GMDS: variants seen among roughly 807,000 people sequenced by gnomAD.
GMDS encodes GDP-mannose 4,6-dehydratase.
Under a neutral mutation model 49.9 loss-of-function variants are expected in GMDS, and 20 were observed. The ratio of observed to expected loss-of-function variants is 0.40; its 90% CI spans 0.28 to 0.58. The LOEUF (loss-of-function observed/expected upper bound fraction) is 0.58, where lower values mean the gene tolerates loss of function less well. Among genes scored for constraint, GMDS ranks in the 20% least tolerant of loss-of-function variants. The probability of loss-of-function intolerance (pLI) is 0.42; values close to 1 mark genes in which losing one functional copy is unlikely to be tolerated. For synonymous variants in GMDS, 177 were observed against 178.6 expected (o/e 0.99, Z 0.07); for missense variants, 362 against 481.4 (o/e 0.75, Z 2.32).
At chr6:1,883,241 AT>A (rs1759445219) in intron 7 of GMDS, among the ~76,000 whole-genome samples, 1 of 152,092 alleles carries the variant, frequency 6.6e-6, no homozygotes, top group Admixed American at 6.5e-5. Context: ...AAATACAAAA[AT>A]TAGCTGGGTG....
At chr6:2,041,520 T>C (rs984206186) in intron 4 of GMDS, among the ~76,000 whole-genome samples, 7 of 152,144 alleles carry the variant, frequency 4.6e-5, no homozygotes, top group Non-Finnish European at 7.3e-5. Context: ...AAACAAACCA[T>C]TGAACTGTTT....
At chr6:2,234,968 A>G (rs1219894923) in intron 1 of GMDS, among the ~76,000 whole-genome samples, 1 of 152,156 alleles carries the variant, frequency 6.6e-6, no homozygotes, top group African/African-American at 2.4e-5. Flanking sequence ...TCTACTAAAA[A>G]TAGAAAATTA....
intron 4 of GMDS, among the ~76,000 whole-genome samples, chr6:2,107,168 T>C (rs1774290761): frequency 6.6e-6 from 1 of 152,212 alleles, no homozygotes; most frequent in Non-Finnish European, 1.5e-5. Context: ...TTATTAGCTG[T>C]TATCAAAATT....
intron 7 of GMDS, among the ~76,000 whole-genome samples, chr6:1,873,618 G>A (rs1758883711): frequency 6.6e-6 from 1 of 152,160 alleles, no homozygotes; most frequent in African/African-American, 2.4e-5. Context: ...CTGAAGGACT[G>A]AAAAAGACAG....
rs570102538 is a variant in GMDS at position 1,636,733 on chromosome 6, G to A, written c.988-12193C>T. Among the ~76,000 whole-genome samples the A allele has an allele frequency of 5.9e-5, 9 of 152,328 alleles. No homozygotes were observed. In the South Asian group the frequency reaches 8.3e-4, roughly 14 times the overall value. ...ACACAGGCAGCCCTTACCACGCTAC[G>A]GTTATGTCCTTGCAAGTTTGATTCT... On this transcript the variant is annotated intron_variant, in intron 9 of 10. Coordinates refer to ENST00000380815, the MANE Select transcript of GMDS (RefSeq NM_001500.4).
At chr6:1,722,084 T>C (rs1581506822) in intron 9 of GMDS, among the ~76,000 whole-genome samples, 1 of 91,376 alleles carries the variant, frequency 1.1e-5, no homozygotes, top group Admixed American at 1.2e-4. Flanking sequence ...TTTTTTTTTT[T>C]GAGATGGAAT....
At chr6:1,891,171 C>T (rs1382483314) in intron 7 of GMDS, among the ~76,000 whole-genome samples, 3 of 152,230 alleles carry the variant, frequency 2.0e-5, no homozygotes, top group Non-Finnish European at 4.4e-5. Flanking sequence ...ATTAGTCAAA[C>T]CACGTGGTTT....
At chr6:1,628,089 A>C (rs1037456665) in intron 9 of GMDS, among the ~76,000 whole-genome samples, 1 of 152,252 alleles carries the variant, frequency 6.6e-6, no homozygotes, top group Non-Finnish European at 1.5e-5. Context: ...ATACATTTAC[A>C]GAGCTGCAAA....
chr6:1,696,320 C>T (rs1027332920), intron 9 of GMDS, among the ~76,000 whole-genome samples: 2 of 152,244 alleles, frequency 1.3e-5, no homozygotes, highest in Non-Finnish European at 2.9e-5. Flanking sequence ...TGGCTAGGGC[C>T]TACGCCGTGA....
chr6:1,765,386 A>G (rs2113563157), intron 7 of GMDS, among the ~76,000 whole-genome samples: 1 of 152,330 alleles, frequency 6.6e-6, no homozygotes, highest in East Asian at 1.9e-4. Context: ...AACACAACCC[A>G]TTAACAAGCA....
chr6:1,786,774 C>T (rs756877531), intron 7 of GMDS, among the ~76,000 whole-genome samples: 2 of 150,364 alleles, frequency 1.3e-5, no homozygotes, highest in Non-Finnish European at 3.0e-5. Context: ...TTATTAAAAT[C>T]AAGGAAATCT....
At chr6:1,997,800 C>G (rs900420718) in intron 4 of GMDS, among the ~76,000 whole-genome samples, 4 of 152,092 alleles carry the variant, frequency 2.6e-5, no homozygotes, top group Non-Finnish European at 4.4e-5. Flanking sequence ...TGCCAACTAC[C>G]CACATTGATC....
rs568843142 is a variant in GMDS, at chr6:1,703,128, T to C, written c.987+23288A>G. Among the ~76,000 whole-genome samples, 80 of 152,242 alleles carry C rather than the reference T, an allele frequency of 5.3e-4. 1 individual carries two copies. Among genetic ancestry groups the C allele is most frequent in the African/African-American group, 1.9e-3 (77 of 41,540 alleles). On this transcript the variant is annotated intron_variant, in intron 9 of 10. Coordinates refer to ENST00000380815, the MANE Select transcript of GMDS (RefSeq NM_001500.4). ...AGCACATGCAGTGGGTTCCTTGGTG[T>C]CGGCAACTCCTGTGTGAAACAGAGG...
At chr6:2,026,608 A>C (rs1768615681) in intron 4 of GMDS, among the ~76,000 whole-genome samples, 1 of 152,218 alleles carries the variant, frequency 6.6e-6, no homozygotes, top group South Asian at 2.1e-4. Flanking sequence ...ATGTTATCAG[A>C]AAAATTGTTT....
intron 9 of GMDS, among the ~76,000 whole-genome samples, chr6:1,724,184 G>C (rs1766490753): frequency 6.6e-6 from 1 of 152,182 alleles, no homozygotes; most frequent in South Asian, 2.1e-4. Flanking sequence ...TTCAAAATTG[G>C]ACAGTAAAGG....
intron 1 of GMDS, among the ~76,000 whole-genome samples, chr6:2,205,259 T>C (rs9501816): frequency 0.036 from 5,509 of 152,296 alleles, 331 homozygotes; most frequent in African/African-American, 0.13. Context: ...GTATGTTCTT[T>C]GCTTTTAAAT....
chr6:2,015,612 T>A (rs1407706342), intron 4 of GMDS, among the ~76,000 whole-genome samples: 2 of 152,072 alleles, frequency 1.3e-5, no homozygotes, highest in African/African-American at 4.8e-5. Flanking sequence ...AATATAAACC[T>A]AAAGCAAGCC....
At chr6:2,024,258 G>C (rs1768447675) in intron 4 of GMDS, among the ~76,000 whole-genome samples, 1 of 152,056 alleles carries the variant, frequency 6.6e-6, no homozygotes, top group South Asian at 2.1e-4. Context: ...ACAAGACAGA[G>C]AGTTTATAAC....
At chr6:1,897,455 C>T (rs951580298) in intron 7 of GMDS, among the ~76,000 whole-genome samples, 14 of 152,086 alleles carry the variant, frequency 9.2e-5, no homozygotes, top group African/African-American at 3.4e-4. Context: ...AGGATGGCAT[C>T]CTGGAAAGGG....
Sources: gnomAD v4.1 joint callset for allele counts (sites outside exome capture counted in the v4.1 genomes callset) on GRCh38, gnomAD v4.1.1 for gene constraint, MANE v1.5 for transcripts, NCBI Gene and HGNC (gene_info 2026-07-23, HGNC 2026-07-21) for gene names.